The following CLVS1 variants were observed in gnomAD, a reference collection of about 807,000 sequenced individuals.
The protein encoded by CLVS1 is clavesin 1.
CLVS1 carries 10 observed loss-of-function variants against 33.1 expected under a neutral mutation model. The ratio of observed to expected loss-of-function variants is 0.30; its 90% confidence interval spans 0.19 to 0.51. CLVS1 has a LOEUF of 0.51. Ranked by LOEUF, CLVS1 falls within the 20% of genes least tolerant of loss-of-function variation. The pLI, the probability that CLVS1 is intolerant of heterozygous loss-of-function variation, is 0.97. For synonymous variants in CLVS1, 163 were observed against 166.1 expected, an observed-to-expected ratio of 0.98 and a Z score of 0.14; for missense variants, 343 against 433.4, an observed-to-expected ratio of 0.79 and a Z score of 1.85.
At chr8:61,453,390 C>A (rs1356042656) in intron 3 of CLVS1, among the ~76,000 whole-genome samples, 1 of 152,026 alleles carries the variant, frequency 6.6e-6, no homozygotes, top group African/African-American at 2.4e-5. Context: ...GATCTGGATT[C>A]TAAATTTGGA....
Position 61,300,211 on chromosome 8 carries a change from G to C in CLVS1, c.384G>C (p.Gly128=). 6.2e-7 allele frequency: 1 copy of C among 1,613,974 alleles called. No homozygotes were observed. Among genetic ancestry groups the C allele is most frequent in the Non-Finnish European group, 8.5e-7 (1 of 1,179,956 alleles). ...IKRALIDGFP[G]VLENRDHYGR... is the part of the protein sequence containing the mutation. ...GGGCTCTGATCGATGGGTTCCCCGG[G>C]GTGCTGGAAAACCGAGACCATTACG... Residue 128 remains glycine (G), a synonymous_variant, in exon 2 of 6, where the codon GGG becomes GGC. Coordinates refer to ENST00000325897, the MANE Select transcript of CLVS1 (RefSeq NM_173519.3).
intron 3 of CLVS1, among the ~76,000 whole-genome samples, chr8:61,401,755 G>A (rs948367098): frequency 6.6e-6 from 1 of 152,102 alleles, no homozygotes; most frequent in East Asian, 1.9e-4. Flanking sequence ...AGCCAACCAC[G>A]ACAATCCTAA....
At chr8:61,322,247 G>A (rs1266467037) in intron 2 of CLVS1, among the ~76,000 whole-genome samples, 1 of 152,132 alleles carries the variant, frequency 6.6e-6, no homozygotes, top group Non-Finnish European at 1.5e-5. Context: ...AAACAGATGT[G>A]TTCTTCTCTA....
At chr8:61,374,022 G>C (rs1004954616) in intron 2 of CLVS1, among the ~76,000 whole-genome samples, 4 of 152,210 alleles carry the variant, frequency 2.6e-5, no homozygotes, top group Middle Eastern at 3.2e-3. Flanking sequence ...AACATCTGAA[G>C]TCTCTTGAGA....
intron 2 of CLVS1, among the ~76,000 whole-genome samples, chr8:61,153,453 C>T (rs1035252385): frequency 2.0e-5 from 3 of 152,212 alleles, no homozygotes; most frequent in Non-Finnish European, 2.9e-5. Context: ...ATGGCTCTCC[C>T]AGATGGTGGC....
At chr8:61,384,982 T>C (rs1303313410) in intron 3 of CLVS1, among the ~76,000 whole-genome samples, 1 of 151,664 alleles carries the variant, frequency 6.6e-6, no homozygotes, top group Non-Finnish European at 1.5e-5. Context: ...GTGGTGGGGG[T>C]GTCATCTAGA....
intron 3 of CLVS1, among the ~76,000 whole-genome samples, chr8:61,418,539 A>G (rs1054022620): frequency 2.0e-5 from 3 of 152,162 alleles, no homozygotes; most frequent in Admixed American, 2.0e-4. Flanking sequence ...CCCTTTCTCC[A>G]TACTCATACA....
intron 2 of CLVS1, among the ~76,000 whole-genome samples, chr8:61,273,084 C>A (rs1809480987): frequency 6.6e-6 from 1 of 150,778 alleles, no homozygotes; most frequent in South Asian, 2.1e-4. Flanking sequence ...TTAGAGTTTC[C>A]AGTTTTTCTG....
At chr8:61,028,083 C>T in the CLVS1 span, among the ~76,000 whole-genome samples, 310 of 152,258 alleles carry the variant, frequency 2.0e-3, 2 homozygotes, top group Non-Finnish European at 3.1e-3. Context: ...CAGAAATCTA[C>T]GTGTAATGAT....
chr8:61,270,034 G>T (rs1002080932), intron 2 of CLVS1, among the ~76,000 whole-genome samples: 3 of 151,818 alleles, frequency 2.0e-5, no homozygotes, highest in Non-Finnish European at 1.5e-5. Context: ...GCCCTGGCCA[G>T]AACTTCCAAC....
chr8:61,431,132 T>C (rs1211523071), intron 3 of CLVS1, among the ~76,000 whole-genome samples: 1 of 152,222 alleles, frequency 6.6e-6, no homozygotes, highest in Non-Finnish European at 1.5e-5. Context: ...TGAAATACAT[T>C]CTTTTCTCAC....
At chr8:61,169,797 T>C (rs569077649) in intron 2 of CLVS1, among the ~76,000 whole-genome samples, 1 of 152,202 alleles carries the variant, frequency 6.6e-6, no homozygotes, top group African/African-American at 2.4e-5. Context: ...GAGACTCCCA[T>C]GGCTATGTAC....
At chr8:61,199,803 C>T (rs889953351) in intron 2 of CLVS1, among the ~76,000 whole-genome samples, 4 of 152,230 alleles carry the variant, frequency 2.6e-5, no homozygotes, top group Non-Finnish European at 5.9e-5. Flanking sequence ...CCACTTTCCA[C>T]CTTTTTATGT....
chr8:61,140,627 A>G (rs1806290553), intron 2 of CLVS1, among the ~76,000 whole-genome samples: 1 of 152,090 alleles, frequency 6.6e-6, no homozygotes, highest in Non-Finnish European at 1.5e-5. Flanking sequence ...CAGTGGCGCG[A>G]TCTCGGCTCA....
chr8:61,350,680 A>G (rs1812417608), intron 2 of CLVS1, among the ~76,000 whole-genome samples: 1 of 152,118 alleles, frequency 6.6e-6, no homozygotes, highest in South Asian at 2.1e-4. Context: ...TGTGCCCTGA[A>G]TTTAAAGGTA....
Position 61,324,732 on chromosome 8 carries a change from G to A in CLVS1, c.455+24450G>A, listed in dbSNP as rs574210092. On this transcript the variant is annotated intron_variant, in intron 2 of 5. Transcript: ENST00000325897. ...TTCCAGGCTGAGGTGGTCTCATATG[G>A]AGATGAGGAATGGATATTGCTGGGT... 4.6e-5 allele frequency among the ~76,000 whole-genome samples: 7 copies of A among 152,270 alleles called. No individual in the cohort carries two copies. In the South Asian group the frequency reaches 1.5e-3, roughly 32 times the overall value.
intron 3 of CLVS1, among the ~76,000 whole-genome samples, chr8:61,434,884 C>T (rs1478150084): frequency 1.3e-5 from 2 of 152,116 alleles, no homozygotes; most frequent in African/African-American, 4.8e-5. Context: ...AGGGGATTCT[C>T]TATAGAATGT....
chr8:60,980,092 A>T, the CLVS1 span, among the ~76,000 whole-genome samples: 1 of 152,206 alleles, frequency 6.6e-6, no homozygotes. Flanking sequence ...GGAGAAGTAG[A>T]ACTGCTGACC....
intron 2 of CLVS1, among the ~76,000 whole-genome samples, chr8:61,172,389 T>C (rs188344186): frequency 9.7e-4 from 147 of 152,322 alleles, no homozygotes; most frequent in African/African-American, 3.1e-3. Context: ...ACTATAGCTA[T>C]CATTGAGTGT....
Sources: allele counts gnomAD v4.1 joint callset (sites outside exome capture counted in the v4.1 genomes callset), GRCh38; gene constraint gnomAD v4.1.1; transcripts MANE v1.5; gene names NCBI Gene and HGNC (gene_info 2026-07-23, HGNC 2026-07-21).